The following KIF13A variants were observed in gnomAD, a reference collection of about 807,000 sequenced individuals.
The protein encoded by KIF13A is kinesin-like protein KIF13A.
KIF13A carries 79 observed loss-of-function variants against 212.2 expected under a neutral mutation model. The observed-to-expected ratio is 0.37, with a 90% CI of 0.31 to 0.45. KIF13A has a LOEUF of 0.45. KIF13A is among the 20% of genes least tolerant of loss of function. The pLI, the probability that KIF13A is intolerant of heterozygous loss-of-function variation, is 1.00. For missense variants in KIF13A, 1,901 were observed against 2,209.0 expected (o/e 0.86, Z 2.79); for synonymous variants, 789 against 808.6 (o/e 0.98, Z 0.41).
In KIF13A at chr6:17,826,366, A is replaced by G. The variant is rs912294144; in HGVS notation, c.1533-242T>C. Among the ~76,000 whole-genome samples the G allele has an allele frequency of 2.0e-5, 3 of 152,234 alleles. No individual in the cohort carries two copies. Among genetic ancestry groups the G allele is most frequent in the Non-Finnish European group, 4.4e-5 (3 of 68,044 alleles). ...CATGATGCACTCCTGATGGAGACAGAAAGCACCACCCATGGCTATTCTTGT... is the reference window on the plus strand; with the variant it reads ...CATGATGCACTCCTGATGGAGACAGGAAGCACCACCCATGGCTATTCTTGT... On this transcript the variant is annotated intron_variant, in intron 14 of 38. Coordinates refer to ENST00000259711, the MANE Select transcript of KIF13A (RefSeq NM_022113.6). The surrounding 1 kb of genome is among the most constrained non-coding windows in gnomAD (Gnocchi z 4.7).
chr6:17,866,356 T>C (rs906821562), intron 4 of KIF13A, among the ~76,000 whole-genome samples: 3 of 152,108 alleles, frequency 2.0e-5, no homozygotes, highest in Non-Finnish European at 4.4e-5. Context: ...GCCAGAGCAC[T>C]TCAATATGAC....
chr6:17,777,371 T>C lies in KIF13A; in HGVS notation c.4093-17A>G, dbSNP rs1289741788. The C allele has an allele frequency of 1.9e-6, 3 of 1,589,588 alleles. No individual in the cohort carries two copies. Among genetic ancestry groups the C allele is most frequent in the African/African-American group, 2.8e-5 (2 of 70,750 alleles). ...TGTGACGGCCTGTAAACATAATAAT[T>C]TGAAAATAACACTTTTTTTTTTTTT... On this transcript the variant is annotated splice_polypyrimidine_tract_variant and intron_variant, in intron 33 of 38. Coordinates refer to ENST00000259711, the MANE Select transcript of KIF13A (RefSeq NM_022113.6). The surrounding 1 kb of genome is among the most constrained non-coding windows in gnomAD (Gnocchi z 4.4).
chr6:17,867,596 C>T (rs1259335959), intron 4 of KIF13A, among the ~76,000 whole-genome samples: 1 of 152,162 alleles, frequency 6.6e-6, no homozygotes, highest in East Asian at 1.9e-4. Flanking sequence ...TACAGCCACA[C>T]AGTTGGGAAG....
In KIF13A at chr6:17,919,646, C is replaced by T. The variant is rs757824572; in HGVS notation, c.147-21466G>A. ...TTTACCTACCCTGATTTGACCTGTTCTATTATCTAGTTTTCCAGCACACAC... is the reference window on the plus strand; with the variant it reads ...TTTACCTACCCTGATTTGACCTGTTTTATTATCTAGTTTTCCAGCACACAC... On this transcript the variant is annotated intron_variant, in intron 2 of 38. Coordinates refer to ENST00000259711, the MANE Select transcript of KIF13A (RefSeq NM_022113.6). This position sits in a 1 kb window ranked among gnomAD's most constrained non-coding sequence, Gnocchi z 4.1. Among the ~76,000 whole-genome samples, 7 of 152,174 alleles carry T rather than the reference C, an allele frequency of 4.6e-5. No individual in the cohort carries two copies. The highest frequency in any genetic ancestry group is 1.0e-4 in the Non-Finnish European group (7 of 68,042).
In KIF13A at chr6:17,888,670, C is replaced by T. The variant is rs538176682; in HGVS notation, c.159+9498G>A. Among the ~76,000 whole-genome samples the T allele has an allele frequency of 6.6e-6, 1 of 151,998 alleles. No homozygotes were observed. Among genetic ancestry groups the T allele is most frequent in the East Asian group, 1.9e-4 (1 of 5,162 alleles). On this transcript the variant is annotated intron_variant, in intron 3 of 38. Transcript: ENST00000259711. The surrounding 1 kb of genome is among the most constrained non-coding windows in gnomAD (Gnocchi z 4.8). Reference sequence around the variant, plus strand: ...GAAACCCTGTCTCTACCAAAAAATACAAAAATTAGCTGGGCGTGGTGGCAC... The same window carrying T: ...GAAACCCTGTCTCTACCAAAAAATATAAAAATTAGCTGGGCGTGGTGGCAC...
chr6:17,782,924 C>G (rs1316599520), intron 29 of KIF13A, among the ~76,000 whole-genome samples: 1 of 152,174 alleles, frequency 6.6e-6, no homozygotes, highest in Non-Finnish European at 1.5e-5. Context: ...AACTCACTAT[C>G]TTATGAGGCA....
chr6:17,842,000 CGTGT>C (rs56396263), intron 9 of KIF13A, among the ~76,000 whole-genome samples: 13,181 of 143,698 alleles, frequency 0.092, 1,211 homozygotes, highest in African/African-American at 0.23. Context: ...TATACACATA[CGTGT>C]GTGTGTGTGT....
At chr6:17,986,997 C>T (rs1781621077) in intron 2 of KIF13A, 57 bp downstream of exon 2, 3 of 1,348,604 alleles carry the variant, frequency 2.2e-6, no homozygotes, top group Non-Finnish European at 3.2e-6. Context: ...CTGGCTCAAA[C>T]TTGCGGGACC....
chr6:17,765,089 A>T (rs1204657848), intron 38 of KIF13A, 143 bp from the exon 39 acceptor site: 1 of 636,914 alleles, frequency 1.6e-6, no homozygotes, highest in Non-Finnish European at 2.7e-6. Context: ...ATTTGGCCAG[A>T]TCTTGTCACC....
At chr6:17,761,390 T>C (rs1758579617), downstream of KIF13A, among the ~76,000 whole-genome samples, 1 of 151,952 alleles carries the variant, frequency 6.6e-6, no homozygotes, top group African/African-American at 2.4e-5. Context: ...CGCCAAAATT[T>C]TTTTTTTTTG....
rs369937154 is a variant in KIF13A at position 17,974,532 on chromosome 6, T to C, written c.146+12522A>G. On this transcript the variant is annotated intron_variant, in intron 2 of 38. Coordinates refer to ENST00000259711, the MANE Select transcript of KIF13A (RefSeq NM_022113.6). ...CACTGTGGAGCAAAGACACGTCATATGTACTTTGCCCTGTTCAGATTCCTA... is the reference window on the plus strand; with the variant it reads ...CACTGTGGAGCAAAGACACGTCATACGTACTTTGCCCTGTTCAGATTCCTA... Among the ~76,000 whole-genome samples the C allele has an allele frequency of 1.4e-4, 22 of 152,348 alleles. 1 individual carries two copies. The highest frequency in any genetic ancestry group is 1.1e-3 in the Admixed American group (17 of 15,310).
chr6:17,892,531 T>C lies in KIF13A; in HGVS notation c.159+5637A>G, dbSNP rs1408941633. ...GAGTGTCTTTTGTATGCTAATGAGA[T>C]GACTGGTGGCTGGGGTCCCCAGGTG... On this transcript the variant is annotated intron_variant, in intron 3 of 38. Transcript: ENST00000259711. The surrounding 1 kb of genome is among the most constrained non-coding windows in gnomAD (Gnocchi z 4.7). Among the ~76,000 whole-genome samples the C allele has an allele frequency of 6.6e-6, 1 of 152,198 alleles. No individual in the cohort carries two copies. The highest frequency in any genetic ancestry group is 1.9e-4 in the East Asian group (1 of 5,200).
In KIF13A at chr6:17,876,623, GCATT is replaced by G. The variant is rs56349524; in HGVS notation, c.160-3190_160-3187del. ...GTATATGATCTGTGTGTGTGAGACA[GCATT>G]CATTCATTCATTCATTCATTCATTC... is the stretch of plus-strand genomic sequence containing the variant. On this transcript the variant is annotated intron_variant, in intron 3 of 38. Coordinates refer to ENST00000259711, the MANE Select transcript of KIF13A (RefSeq NM_022113.6). Among the ~76,000 whole-genome samples the G allele has an allele frequency of 3.4e-3, 520 of 150,756 alleles. 2 individuals are homozygous for G. The highest frequency in any genetic ancestry group is 6.7e-3 in the Admixed American group (101 of 15,114).
At chr6:17,935,778 A>G (rs1035693326) in intron 2 of KIF13A, among the ~76,000 whole-genome samples, 1 of 152,222 alleles carries the variant, frequency 6.6e-6, no homozygotes, top group Non-Finnish European at 1.5e-5. Flanking sequence ...CAAAACTCAA[A>G]AGTTGATGTA....
intron 9 of KIF13A, among the ~76,000 whole-genome samples, chr6:17,847,040 C>T (rs1388808499): frequency 1.3e-5 from 2 of 152,174 alleles, no homozygotes; most frequent in African/African-American, 2.4e-5. Flanking sequence ...TGTGACATTG[C>T]ATATGGAGCA....
chr6:17,986,574 TTTTGC>T (rs1781570676), intron 2 of KIF13A, among the ~76,000 whole-genome samples: 3 of 152,200 alleles, frequency 2.0e-5, no homozygotes, highest in Non-Finnish European at 4.4e-5. Flanking sequence ...CGTACAAGAC[TTTTGC>T]TTTATTTTTT....
Position 17,780,882 on chromosome 6 carries a change from A to G in KIF13A, c.3694T>C (p.Ser1232Pro). 6.2e-7 allele frequency: 1 copy of G among 1,613,828 alleles called. No homozygotes were observed. Among genetic ancestry groups the G allele is most frequent in the Non-Finnish European group, 8.5e-7 (1 of 1,179,788 alleles). Residue 1232 changes from serine (S) to proline (P), a missense_variant, in exon 31 of 39, where the codon TCC becomes CCC. Physicochemically the swap from Ser to Pro is moderately conservative, Grantham distance 74. This residue lies in a region of KIF13A where 687 missense variants were observed against 759.1 expected (regional missense o/e 0.90). Transcript: ENST00000259711. Reference protein sequence around the residue: ...DEVSATASWDSSVHDSVHLNR... With the variant: ...DEVSATASWDPSVHDSVHLNR... The stretch of plus-strand genomic sequence containing the variant: ...AAGTGAACAGAATCATGCACCGAGG[A>G]ATCCCAAGAGGCTGTGGCTGAAACC...
chr6:17,902,418 G>C, intron 2 of KIF13A, among the ~76,000 whole-genome samples: 1 of 152,176 alleles, frequency 6.6e-6, no homozygotes, highest in East Asian at 1.9e-4. Context: ...GATTTGGAGA[G>C]AAAATAAGGA....
chr6:17,811,956 G>A lies in KIF13A; in HGVS notation c.2001-3026C>T, dbSNP rs1763468848. ...AGTGCACTACAGCTTGAAACTCCTG[G>A]GCGCAGGTGATCCTCCTGCCTCAGC... On this transcript the variant is annotated intron_variant, in intron 17 of 38. Transcript: ENST00000259711. The surrounding 1 kb of genome is among the most constrained non-coding windows in gnomAD (Gnocchi z 6.0). 6.6e-6 allele frequency: 1 copy of A among 151,992 alleles called. No homozygotes were observed. Among genetic ancestry groups the A allele is most frequent in the African/African-American group, 2.4e-5 (1 of 41,388 alleles). The allele number at this position is 151,992 out of a possible 1,614,324, so 9.4% of individuals were successfully genotyped here.
Sources: gnomAD v4.1 joint callset for allele counts (sites outside exome capture counted in the v4.1 genomes callset) on GRCh38, gnomAD v4.1.1 for gene constraint, gnomAD v4.1.1 regional missense constraint, Gnocchi (gnomAD v3.1) non-coding constraint, MANE v1.5 for transcripts, NCBI Gene and HGNC (gene_info 2026-07-23, HGNC 2026-07-21) for gene names.